Variants in ATP2B2 observed in about 807,000 individuals in gnomAD.
ATP2B2 encodes the protein plasma membrane calcium-transporting ATPase 2.
ATP2B2 carries 15 observed loss-of-function variants against 120.0 expected under a neutral mutation model. The observed-to-expected ratio is 0.12, with a 90% CI of 0.08 to 0.19. The LOEUF (loss-of-function observed/expected upper bound fraction) is 0.19, where lower values mean the gene tolerates loss of function less well. Among genes scored for constraint, ATP2B2 ranks in the 10% least tolerant of loss-of-function variants. The pLI, the probability that ATP2B2 is intolerant of heterozygous loss-of-function variation, is 1.00. For synonymous variants in ATP2B2, 694 were observed against 700.3 expected, an observed-to-expected ratio of 0.99 and a Z score of 0.14; for missense variants, 1,045 against 1,719.8, an observed-to-expected ratio of 0.61 and a Z score of 6.94.
chr3:10,605,590 G>C (rs1227693621), intron 2 of ATP2B2, among the ~76,000 whole-genome samples: 1 of 152,078 alleles, frequency 6.6e-6, no homozygotes, highest in African/African-American at 2.4e-5. Flanking sequence ...TGGAGCTGGA[G>C]GATTGCTTGA....
rs2059864590 is a variant in ATP2B2 at position 10,326,756 on chromosome 3, G to C, written c.*2058C>G. On this transcript the variant is annotated 3_prime_UTR_variant, in exon 23 of 23. Coordinates refer to ENST00000360273, the MANE Select transcript of ATP2B2 (RefSeq NM_001001331.4). ...TGCGCTCTTGAAGGTCCTCCTTCCA[G>C]GAGGATTTTGCCAGGTGGGATGGGC... is the stretch of plus-strand genomic sequence containing the variant. 1 of 398,904 alleles carries C rather than the reference G, an allele frequency of 2.5e-6. No individual in the cohort carries two copies. The highest frequency in any genetic ancestry group is 2.1e-5 in the African/African-American group (1 of 48,604). The allele number at this position is 398,904 out of a possible 1,614,324, so 24.7% of individuals were successfully genotyped here. A position where few individuals can be genotyped will look rare whatever the true frequency, so the allele number is the denominator to read the frequency against.
chr3:10,489,181 T>C (rs2065842529), intron 1 of ATP2B2, among the ~76,000 whole-genome samples: 1 of 152,228 alleles, frequency 6.6e-6, no homozygotes, highest in Non-Finnish European at 1.5e-5. Context: ...CTTAGGAAAG[T>C]CTTCCCTGAC....
At chr3:10,559,364 T>C (rs2067850856) in intron 2 of ATP2B2, among the ~76,000 whole-genome samples, 1 of 152,176 alleles carries the variant, frequency 6.6e-6, no homozygotes, top group Non-Finnish European at 1.5e-5. Context: ...TTGCACATGT[T>C]CAAAAATCTG....
chr3:10,448,189 A>G (rs1175687299), intron 2 of ATP2B2, among the ~76,000 whole-genome samples: 1 of 152,218 alleles, frequency 6.6e-6, no homozygotes, highest in African/African-American at 2.4e-5. Flanking sequence ...CCTGCCTCCC[A>G]GGTGGTGGTA....
intron 2 of ATP2B2, among the ~76,000 whole-genome samples, chr3:10,617,063 C>T (rs2069409658): frequency 6.6e-6 from 1 of 152,206 alleles, no homozygotes; most frequent in African/African-American, 2.4e-5. Flanking sequence ...ATCTATATTG[C>T]CACAACTGAC....
intron 1 of ATP2B2, among the ~76,000 whole-genome samples, chr3:10,692,624 A>G (rs1260458840): frequency 6.6e-6 from 1 of 152,194 alleles, no homozygotes; most frequent in Non-Finnish European, 1.5e-5. Flanking sequence ...GAGGAGTGGC[A>G]GCACCTTGTG....
At chr3:10,668,051 C>G (rs1208936648) in intron 1 of ATP2B2, among the ~76,000 whole-genome samples, 2 of 152,180 alleles carry the variant, frequency 1.3e-5, no homozygotes, top group Non-Finnish European at 2.9e-5. Context: ...TGCTGGGGCC[C>G]CATCCTGGCT....
chr3:10,614,850 A>C (rs889993983), intron 2 of ATP2B2, among the ~76,000 whole-genome samples: 1 of 152,258 alleles, frequency 6.6e-6, no homozygotes, highest in Non-Finnish European at 1.5e-5. Context: ...ACCTCTAGGA[A>C]TAGTGACCAA....
At chr3:10,440,841 G>A (rs144920472) in intron 2 of ATP2B2, among the ~76,000 whole-genome samples, 7 of 152,358 alleles carry the variant, frequency 4.6e-5, no homozygotes, top group South Asian at 2.1e-4. Flanking sequence ...CTTGTTAGAC[G>A]TGGTGCTCTG....
intron 2 of ATP2B2, among the ~76,000 whole-genome samples, chr3:10,549,369 T>C (rs949045051): frequency 1.7e-4 from 26 of 152,120 alleles, no homozygotes; most frequent in Admixed American, 1.4e-3. Context: ...AGCACAGGGC[T>C]TGGCAGGGAG....
chr3:10,357,260 G>T (rs569223611), intron 14 of ATP2B2, among the ~76,000 whole-genome samples: 1 of 152,176 alleles, frequency 6.6e-6, no homozygotes, highest in Non-Finnish European at 1.5e-5. Flanking sequence ...TCCCAGAGGG[G>T]GTGTGTGTGA....
intron 2 of ATP2B2, among the ~76,000 whole-genome samples, chr3:10,434,792 C>T (rs866449284): frequency 3.3e-4 from 51 of 152,356 alleles, no homozygotes; most frequent in African/African-American, 1.2e-3. Flanking sequence ...GGCCGAGGTG[C>T]CCTTGAGGAT....
chr3:10,354,938 G>T (rs949318661), intron 14 of ATP2B2, among the ~76,000 whole-genome samples: 1 of 152,148 alleles, frequency 6.6e-6, no homozygotes, highest in Admixed American at 6.5e-5. Context: ...AGTCCAGGAG[G>T]ACAGAGCTCT....
At position 10,411,088 on chromosome 3, in the gene ATP2B2, T is replaced by C. The variant is rs372405574; in HGVS notation, c.200-273A>G. Among the ~76,000 whole-genome samples, 7 of 152,268 alleles carry C rather than the reference T, an allele frequency of 4.6e-5. No homozygotes were observed. In the East Asian group the frequency reaches 1.2e-3, roughly 25 times the overall value. Reference sequence around the variant, plus strand: ...GACCTCATTTGGGAAAATAGTCCTGTTGTTGTACTTAAGTTAAGGATATCA... The same window carrying C: ...GACCTCATTTGGGAAAATAGTCCTGCTGTTGTACTTAAGTTAAGGATATCA... On this transcript the variant is annotated intron_variant, in intron 2 of 22. Coordinates refer to ENST00000360273, the MANE Select transcript of ATP2B2 (RefSeq NM_001001331.4).
chr3:10,336,370 A>C, intron 22 of ATP2B2: 1 of 1,462,654 alleles, frequency 6.8e-7, no homozygotes, highest in Non-Finnish European at 9.3e-7. Flanking sequence ...CTGACAGGGC[A>C]ACGTCACAAG....
At chr3:10,593,715 G>A (rs1404162403) in intron 2 of ATP2B2, among the ~76,000 whole-genome samples, 1 of 152,144 alleles carries the variant, frequency 6.6e-6, no homozygotes, top group African/African-American at 2.4e-5. Flanking sequence ...TTGACAAATG[G>A]GATCTAATTA....
At chr3:10,465,580 A>C (rs529235422) in intron 1 of ATP2B2, among the ~76,000 whole-genome samples, 18 of 152,208 alleles carry the variant, frequency 1.2e-4, no homozygotes, top group Non-Finnish European at 2.4e-4. Flanking sequence ...TTTTGGGTTT[A>C]AGATGTGGTT....
At chr3:10,548,656 T>A (rs2067602433) in intron 2 of ATP2B2, among the ~76,000 whole-genome samples, 1 of 152,312 alleles carries the variant, frequency 6.6e-6, no homozygotes, top group South Asian at 2.1e-4. Flanking sequence ...TAACACCTTG[T>A]TCCCTTTCCT....
At chr3:10,610,221 A>C (rs2069195608) in intron 2 of ATP2B2, among the ~76,000 whole-genome samples, 1 of 151,420 alleles carries the variant, frequency 6.6e-6, no homozygotes, top group Non-Finnish European at 1.5e-5. Flanking sequence ...CCACTATTCC[A>C]AGCTCTGGCA....
Sources: gnomAD v4.1 joint callset for allele counts (sites outside exome capture counted in the v4.1 genomes callset) on GRCh38, gnomAD v4.1.1 for gene constraint, MANE v1.5 for transcripts, NCBI Gene and HGNC (gene_info 2026-07-23, HGNC 2026-07-21) for gene names.